The following CES5A variants were observed in gnomAD, a reference collection of about 807,000 sequenced individuals.
The protein encoded by CES5A is carboxylesterase 5.
CES5A carries 67 observed loss-of-function variants against 62.9 expected under a neutral mutation model. The observed-to-expected ratio is 1.07, with a 90% confidence interval of 0.88 to 1.31. The LOEUF (loss-of-function observed/expected upper bound fraction) is 1.31, where lower values mean the gene tolerates loss of function less well. Ranked by LOEUF, CES5A falls within the 50% of genes most tolerant of loss-of-function variation. The probability of loss-of-function intolerance (pLI) is 0.00; values close to 1 mark genes in which losing one functional copy is unlikely to be tolerated. For synonymous variants in CES5A, 296 were observed against 280.8 expected (o/e 1.05, Z -0.54); for missense variants, 748 against 708.5 (o/e 1.06, Z -0.63).
intron 1 of CES5A, among the ~76,000 whole-genome samples, chr16:55,901,550 C>G (rs549718980): frequency 1.4e-3 from 214 of 152,330 alleles, no homozygotes; most frequent in African/African-American, 4.9e-3. Flanking sequence ...AATTCCCCAT[C>G]CTGGCAAGAA....
intron 1 of CES5A, among the ~76,000 whole-genome samples, chr16:55,950,542 C>T (rs1014361896): frequency 4.0e-5 from 6 of 151,594 alleles, no homozygotes; most frequent in Non-Finnish European, 7.4e-5. Context: ...GAAGATTCAA[C>T]CAAGGACTTT....
upstream of CES5A, among the ~76,000 whole-genome samples, chr16:55,878,198 T>C (rs537322754): frequency 1.3e-5 from 2 of 152,202 alleles, no homozygotes; most frequent in South Asian, 2.1e-4. Context: ...GCTTAAAACA[T>C]AGGTTAATCT....
At chr16:55,912,405 T>C (rs2061327676) in intron 1 of CES5A, among the ~76,000 whole-genome samples, 1 of 151,942 alleles carries the variant, frequency 6.6e-6, no homozygotes, top group African/African-American at 2.4e-5. Flanking sequence ...TTTTGTCTGC[T>C]AGGGTGGAAG....
upstream of CES5A, among the ~76,000 whole-genome samples, chr16:55,878,795 G>A (rs564652308): frequency 3.7e-4 from 45 of 122,878 alleles, no homozygotes; most frequent in South Asian, 1.9e-3. Context: ...TTAACCCATC[G>A]CTGTACCCTA....
rs1240217772 is a variant in CES5A at position 55,846,514 on chromosome 16, A to G, written c.1665T>C (p.Ser555=). The part of the protein sequence containing the change: ...LILSASDMLH[S]PLSSLTFLSL... The stretch of plus-strand genomic sequence containing the variant: ...AGAGGAAAGTTAAGGAAGAAAGAGG[A>G]CTGTGGAGCATGTCGGAGGCAGACA... Residue 555 remains serine (S), a synonymous_variant, in exon 13 of 13, where the codon AGT becomes AGC. Coordinates refer to ENST00000290567, the MANE Select transcript of CES5A (RefSeq NM_001143685.2). The G allele has an allele frequency of 3.1e-6, 5 of 1,614,042 alleles. No individual in the cohort carries two copies. The African/African-American group carries it at 6.7e-5, about 22-fold the overall frequency.
upstream of CES5A, among the ~76,000 whole-genome samples, chr16:55,876,770 C>T (rs2033700222): frequency 1.3e-5 from 2 of 152,188 alleles, no homozygotes; most frequent in South Asian, 2.1e-4. Context: ...GGTCCTATTT[C>T]CCTTGGATCC....
At chr16:55,854,531 C>CTTTTTTTTTTCTTTTTTTTT (rs1555479324) in intron 9 of CES5A, among the ~76,000 whole-genome samples, 1 of 52,162 alleles carries the variant, frequency 1.9e-5, no homozygotes, top group Admixed American at 2.1e-4. Flanking sequence ...TGTAGTGTTT[C>CTTTTTTTTTTCTTTTTTTTT]TTTTTTTTTT....
intron 1 of CES5A, among the ~76,000 whole-genome samples, chr16:55,954,460 C>A (rs1170246171): frequency 2.6e-5 from 4 of 152,144 alleles, no homozygotes; most frequent in Admixed American, 2.6e-4. Context: ...GGTCTCTCCC[C>A]CTACACATGC....
intron 1 of CES5A, among the ~76,000 whole-genome samples, chr16:55,889,140 A>G (rs1181036877): frequency 1.3e-5 from 2 of 152,136 alleles, no homozygotes; most frequent in Admixed American, 1.3e-4. Context: ...GACATAGAAA[A>G]AAAAAAAAAG....
At chr16:55,881,896 A>G (rs1230988514) in intron 1 of CES5A, among the ~76,000 whole-genome samples, 1 of 152,198 alleles carries the variant, frequency 6.6e-6, no homozygotes, top group African/African-American at 2.4e-5. Context: ...GGTAAGGTGG[A>G]AATAATTACC....
intron 1 of CES5A, among the ~76,000 whole-genome samples, chr16:55,881,292 A>T (rs1389392411): frequency 3.9e-5 from 6 of 152,212 alleles, no homozygotes; most frequent in African/African-American, 1.4e-4. Context: ...AAACAAGAAC[A>T]TGAGTCCCTT....
At chr16:55,915,441 G>C (rs1401386098) in intron 1 of CES5A, among the ~76,000 whole-genome samples, 2 of 152,110 alleles carry the variant, frequency 1.3e-5, no homozygotes, top group African/African-American at 2.4e-5. Context: ...GAAAAGAAAG[G>C]GGGAGGACAA....
chr16:55,880,617 C>A (rs568836673), intron 1 of CES5A, among the ~76,000 whole-genome samples: 6 of 152,294 alleles, frequency 3.9e-5, no homozygotes, highest in Admixed American at 2.6e-4. Context: ...GGATCTCCCC[C>A]CTAGTCAGAC....
chr16:55,917,768 T>C (rs1342840830), intron 1 of CES5A, among the ~76,000 whole-genome samples: 2 of 152,102 alleles, frequency 1.3e-5, no homozygotes, highest in African/African-American at 4.8e-5. Context: ...GATAGCGAAT[T>C]ACAGAGGGCA....
At chr16:55,891,100 T>C (rs975455981) in intron 1 of CES5A, among the ~76,000 whole-genome samples, 1 of 152,170 alleles carries the variant, frequency 6.6e-6, no homozygotes. Flanking sequence ...AATTTCCTGC[T>C]ATGCCATAAC....
upstream of CES5A, among the ~76,000 whole-genome samples, chr16:55,876,329 A>G (rs1190277931): frequency 6.6e-6 from 1 of 152,242 alleles, no homozygotes; most frequent in Non-Finnish European, 1.5e-5. Flanking sequence ...TGCAATAAGA[A>G]AGAGCTTTTG....
chr16:55,852,146 T>C (rs2033145631), intron 10 of CES5A, among the ~76,000 whole-genome samples: 1 of 152,224 alleles, frequency 6.6e-6, no homozygotes, highest in Non-Finnish European at 1.5e-5. Flanking sequence ...TGTACAACAA[T>C]ATGAATGTAC....
At chr16:55,887,659 G>A (rs531122026) in intron 1 of CES5A, among the ~76,000 whole-genome samples, 21 of 152,282 alleles carry the variant, frequency 1.4e-4, no homozygotes, top group African/African-American at 4.8e-4. Context: ...TGAAGACTAT[G>A]TGACAGTGTA....
In CES5A at chr16:55,862,208, A is replaced by G. The variant is rs533977783; in HGVS notation, c.811-692T>C. ...TTGCTGAACATCTGCTTTCCTTGTCACTGAACCTCCATATTTGTAGAACTC... is the reference window on the plus strand; with the variant it reads ...TTGCTGAACATCTGCTTTCCTTGTCGCTGAACCTCCATATTTGTAGAACTC... On this transcript the variant is annotated intron_variant, in intron 6 of 12. Transcript: ENST00000290567. 2.5e-4 allele frequency among the ~76,000 whole-genome samples: 38 copies of G among 151,950 alleles called. 1 individual carries two copies. The highest frequency in any genetic ancestry group is 2.4e-3 in the Admixed American group (36 of 15,278).
Sources: gnomAD v4.1 joint callset for allele counts (sites outside exome capture counted in the v4.1 genomes callset) on GRCh38, gnomAD v4.1.1 for gene constraint, MANE v1.5 for transcripts, NCBI Gene and HGNC (gene_info 2026-07-23, HGNC 2026-07-21) for gene names.